The following TNS1 variants were observed in gnomAD, a reference collection of about 807,000 sequenced individuals.
TNS1 encodes the protein tensin-1.
Under a neutral mutation model 168.6 loss-of-function variants are expected in TNS1, and 62 were observed. That is an observed-to-expected ratio of 0.37 (90% CI 0.30 to 0.45). The LOEUF is 0.45. Among genes scored for constraint, TNS1 ranks in the 20% least tolerant of loss-of-function variants. TNS1 has a pLI of 1.00. For synonymous variants in TNS1, 934 were observed against 933.2 expected (o/e 1.00, Z -0.02); for missense variants, 2,240 against 2,339.4 (o/e 0.96, Z 0.88).
intron 19 of TNS1, among the ~76,000 whole-genome samples, chr2:217,837,342 C>T (rs1429760959): frequency 1.3e-5 from 2 of 152,356 alleles, no homozygotes; most frequent in East Asian, 1.9e-4. Context: ...CAGCCACGCC[C>T]CCCAGCACCC....
intron 1 of TNS1, among the ~76,000 whole-genome samples, chr2:218,031,066 GTA>G (rs1385787928): frequency 6.9e-6 from 1 of 144,584 alleles, no homozygotes; most frequent in East Asian, 2.0e-4. Context: ...ATGTGTGAGT[GTA>G]TGTGTGTGTT....
chr2:217,847,015 C>A (rs987338), intron 19 of TNS1, among the ~76,000 whole-genome samples: 63,143 of 152,018 alleles, frequency 0.42, 13,912 homozygotes, highest in African/African-American at 0.59. Flanking sequence ...AAAGGCCTCC[C>A]TCCAGCCTTC....
At chr2:217,990,721 G>A (rs1958344364) in intron 2 of TNS1, among the ~76,000 whole-genome samples, 1 of 152,154 alleles carries the variant, frequency 6.6e-6, no homozygotes, top group South Asian at 2.1e-4. Flanking sequence ...CCTCATACAA[G>A]CTGCATGCCA....
At chr2:218,002,472 G>C (rs1017854276) in intron 1 of TNS1, among the ~76,000 whole-genome samples, 12 of 152,274 alleles carry the variant, frequency 7.9e-5, no homozygotes, top group African/African-American at 2.6e-4. Context: ...GCAACTGAGG[G>C]GGGGCGGTGA....
rs576964200 is a variant in TNS1, at chr2:217,856,209, G to A, written c.1430-7122C>T. On this transcript the variant is annotated intron_variant, in intron 18 of 32. Coordinates refer to ENST00000682258, the MANE Select transcript of TNS1 (RefSeq NM_001387777.1). ...GCGGCACACTGAGTGGAAGCTTTGCGGCTGCGGGAGCCTAAGAAGTGGCTC... is the reference window on the plus strand; with the variant it reads ...GCGGCACACTGAGTGGAAGCTTTGCAGCTGCGGGAGCCTAAGAAGTGGCTC... Among the ~76,000 whole-genome samples, 7 of 152,288 alleles carry A rather than the reference G, an allele frequency of 4.6e-5. No individual in the cohort carries two copies. The East Asian group carries it at 5.8e-4, about 13-fold the overall frequency.
chr2:218,009,498 C>T (rs560160209), intron 1 of TNS1, among the ~76,000 whole-genome samples: 1 of 152,160 alleles, frequency 6.6e-6, no homozygotes, highest in Admixed American at 6.5e-5. Flanking sequence ...TGCAGGTTCC[C>T]CAGACCCCTG....
At chr2:218,011,333 A>G (rs1958704349), upstream of TNS1, among the ~76,000 whole-genome samples, 1 of 152,166 alleles carries the variant, frequency 6.6e-6, no homozygotes, top group South Asian at 2.1e-4. Context: ...ACAAAGGCAG[A>G]GAGAGGCAGG....
chr2:217,970,899 A>G (rs952990015), intron 3 of TNS1, among the ~76,000 whole-genome samples: 3 of 151,866 alleles, frequency 2.0e-5, no homozygotes, highest in African/African-American at 7.3e-5. Context: ...TTATACCTCA[A>G]TAAAGTTGTT....
chr2:217,813,068 C>G lies in TNS1; in HGVS notation c.4954+147G>C, dbSNP rs909544026. Reference sequence around the variant, plus strand: ...GAGCCGCACTGCGGAGGGAGAGAAGCTTTCATTCATTTTCTCTGCTGAATT... The same window carrying G: ...GAGCCGCACTGCGGAGGGAGAGAAGGTTTCATTCATTTTCTCTGCTGAATT... On this transcript the variant is annotated intron_variant, in intron 27 of 32. Transcript: ENST00000682258. The surrounding 1 kb of genome is among the most constrained non-coding windows in gnomAD (Gnocchi z 4.0). 4.7e-6 allele frequency: 3 copies of G among 644,534 alleles called. No homozygotes were observed. The highest frequency in any genetic ancestry group is 8.3e-6 in the Non-Finnish European group (3 of 359,494). The allele number at this position is 644,534 out of a possible 1,614,324, so 39.9% of individuals were successfully genotyped here.
chr2:218,003,121 C>T (rs1043866866), upstream of TNS1: 5 of 362,632 alleles, frequency 1.4e-5, no homozygotes, highest in Admixed American at 3.6e-5. Flanking sequence ...CCTTGAGGGT[C>T]AGGAACCCTG....
rs151337554 is a variant in TNS1 at position 217,968,659 on chromosome 2, G to A, written c.186+10106C>T. 3.0e-3 allele frequency among the ~76,000 whole-genome samples: 458 copies of A among 152,202 alleles called. 2 individuals carry two copies. The highest frequency in any genetic ancestry group is 0.017 in the Middle Eastern group (5 of 294). The stretch of plus-strand genomic sequence containing the variant: ...ATAAATAAATATAAACATATCTCAT[G>A]CTCATGAATCAGAAAACTCAAAATT... On this transcript the variant is annotated intron_variant, in intron 3 of 32. Transcript: ENST00000682258.
At chr2:217,993,394 GT>G (rs1375184092) in intron 1 of TNS1, among the ~76,000 whole-genome samples, 2 of 152,218 alleles carry the variant, frequency 1.3e-5, no homozygotes, top group Non-Finnish European at 2.9e-5. Context: ...AGTGATCAAA[GT>G]TAACATCACT....
intron 3 of TNS1, among the ~76,000 whole-genome samples, chr2:217,922,246 T>A (rs1955761357): frequency 6.6e-6 from 1 of 152,190 alleles, no homozygotes; most frequent in South Asian, 2.1e-4. Context: ...AGGTCTCAGC[T>A]ACGGGGGACA....
At chr2:217,817,532 C>T (rs149255260) in intron 24 of TNS1, among the ~76,000 whole-genome samples, 158 bp downstream of exon 24, 1,687 of 152,326 alleles carry the variant, frequency 0.011, 13 homozygotes, top group Admixed American at 0.018. Context: ...ATACCTCCAA[C>T]TCTCTTTATA....
upstream of TNS1, among the ~76,000 whole-genome samples, chr2:218,014,469 C>T (rs943150782): frequency 6.6e-6 from 1 of 152,130 alleles, no homozygotes; most frequent in African/African-American, 2.4e-5. Context: ...GGTGAACTGC[C>T]CAACCATATA....
At chr2:217,885,431 T>A (rs6729299) in intron 15 of TNS1, among the ~76,000 whole-genome samples, 26,533 of 152,154 alleles carry the variant, frequency 0.17, 3,370 homozygotes, top group African/African-American at 0.35. Flanking sequence ...AAAAGTAAGA[T>A]GGATTTAAAT....
At chr2:217,812,240 T>C in intron 28 of TNS1, 128 bp downstream of exon 28, 2 of 664,150 alleles carry the variant, frequency 3.0e-6, no homozygotes, top group Non-Finnish European at 5.0e-6. Context: ...GTTTTGAGTT[T>C]CTCCAGACTG....
chr2:217,812,124 C>A (rs945434271), intron 28 of TNS1, among the ~76,000 whole-genome samples: 2 of 152,188 alleles, frequency 1.3e-5, no homozygotes, highest in Non-Finnish European at 2.9e-5. Flanking sequence ...TTTCTTCATA[C>A]GGAGAGTTTT....
At chr2:217,984,658 TA>T (rs1958145645) in intron 2 of TNS1, among the ~76,000 whole-genome samples, 1 of 151,670 alleles carries the variant, frequency 6.6e-6, no homozygotes, top group African/African-American at 2.4e-5. Context: ...CCAGCTATTT[TA>T]TTTTTTTATT....
Sources: allele counts gnomAD v4.1 joint callset (sites outside exome capture counted in the v4.1 genomes callset), GRCh38; gene constraint gnomAD v4.1.1; non-coding constraint Gnocchi (gnomAD v3.1); transcripts MANE v1.5; gene names NCBI Gene and HGNC (gene_info 2026-07-23, HGNC 2026-07-21).